The following SOS2 variants were observed in gnomAD, a reference collection of about 807,000 sequenced individuals.
The protein encoded by SOS2 is son of sevenless homolog 2.
A neutral mutation model predicts 148.2 loss-of-function variants in SOS2; 65 were observed. The ratio of observed to expected loss-of-function variants is 0.44; its 90% CI spans 0.36 to 0.54. SOS2 has a LOEUF of 0.54. Ranked by LOEUF, SOS2 falls within the 20% of genes least tolerant of loss-of-function variation. The pLI, the probability that SOS2 is intolerant of heterozygous loss-of-function variation, is 0.00. For missense variants in SOS2, 1,341 were observed against 1,590.2 expected, an observed-to-expected ratio of 0.84 and a Z score of 2.67; for synonymous variants, 539 against 537.1, an observed-to-expected ratio of 1.00 and a Z score of -0.05.
At chr14:50,230,869 G>A in intron 1 of SOS2, 4 of 1,023,476 alleles carry the variant, frequency 3.9e-6, no homozygotes, top group Non-Finnish European at 4.7e-6. Context: ...TTTAGAAACT[G>A]TCTAAATACC....
At chr14:50,207,132 T>C (rs1430821200) in intron 1 of SOS2, among the ~76,000 whole-genome samples, 7 of 152,216 alleles carry the variant, frequency 4.6e-5, no homozygotes, top group African/African-American at 1.7e-4. Flanking sequence ...TAAGCGAACA[T>C]TTAGAAAATT....
chr14:50,173,861 T>G (rs1885444693), intron 8 of SOS2, among the ~76,000 whole-genome samples: 1 of 152,192 alleles, frequency 6.6e-6, no homozygotes, highest in Admixed American at 6.6e-5. Context: ...GATGCCTTAA[T>G]TTTTAAAAAT....
chr14:50,229,343 G>A (rs563154914), intron 1 of SOS2, among the ~76,000 whole-genome samples: 1 of 151,994 alleles, frequency 6.6e-6, no homozygotes, highest in East Asian at 1.9e-4. Flanking sequence ...TTTCTTAGAT[G>A]TATTTATTTC....
At chr14:50,198,314 A>G (rs1236053936) in intron 4 of SOS2, among the ~76,000 whole-genome samples, 1 of 150,572 alleles carries the variant, frequency 6.6e-6, no homozygotes, top group Non-Finnish European at 1.5e-5. Flanking sequence ...TTTTTGTTGT[A>G]CTTCCAACTT....
At chr14:50,171,665 A>G (rs1885368512) in intron 8 of SOS2, among the ~76,000 whole-genome samples, 1 of 135,236 alleles carries the variant, frequency 7.4e-6, no homozygotes, top group African/African-American at 2.9e-5. Flanking sequence ...GCCAGGCGAC[A>G]GAGCAAAATT....
At chr14:50,160,227 C>A in intron 9 of SOS2, 141 bp from the exon 10 acceptor site, 2 of 648,186 alleles carry the variant, frequency 3.1e-6, no homozygotes, top group Non-Finnish European at 5.2e-6. Flanking sequence ...CTAACTTTGC[C>A]ACTAAATAAT....
In SOS2 at chr14:50,180,545, A is replaced by AAC. The variant is rs1566840533; in HGVS notation, c.969+26_969+27insGT. ...TTATTTGCTTTATTAAAAAAAAAAA[A>AAC]AAAAAAAACCTTCAATTTAAGTTTA... On this transcript the variant is annotated intron_variant, in intron 7 of 22. Transcript: ENST00000216373. 2.9e-6 allele frequency: 3 copies of AAC among 1,039,600 alleles called. No homozygotes were observed. The Admixed American group carries it at 7.9e-5, about 27-fold the overall frequency. The allele number at this position is 1,039,600 out of a possible 1,614,324, so 64.4% of individuals were successfully genotyped here.
chr14:50,156,293 C>T (rs1884818789), intron 12 of SOS2: 2 of 151,734 alleles, frequency 1.3e-5, no homozygotes, highest in Non-Finnish European at 2.9e-5. Context: ...CAAAGAAAGT[C>T]AGACATGAGT....
At position 50,174,434 on chromosome 14, in the gene SOS2, A is replaced by G. The variant is rs766636506; in HGVS notation, c.1068+20T>C. 8 of 1,387,694 alleles carry G rather than the reference A, an allele frequency of 5.8e-6. No individual in the cohort carries two copies. The South Asian group carries it at 9.2e-5, about 16-fold the overall frequency. 86.0% of individuals were successfully genotyped at this position (1,387,694 alleles called of 1,614,324 possible). On this transcript the variant is annotated intron_variant, in intron 8 of 22. Transcript: ENST00000216373. The stretch of plus-strand genomic sequence containing the variant: ...TCTTCTATTAGATAAGTACTTTGAG[A>G]TTCTGTTATAAAACCTTACCTTTAG...
chr14:50,189,411 T>A (rs1247826143), intron 4 of SOS2, among the ~76,000 whole-genome samples: 1 of 143,938 alleles, frequency 6.9e-6, no homozygotes, highest in Non-Finnish European at 1.5e-5. Context: ...ACTACTCGAC[T>A]ATGATTATGA....
chr14:50,173,974 A>C (rs10782417), intron 8 of SOS2, among the ~76,000 whole-genome samples: 2 of 151,932 alleles, frequency 1.3e-5, no homozygotes, highest in East Asian at 3.9e-4. Flanking sequence ...TTTAAAAAAA[A>C]TTTTCCCCTA....
At position 50,130,779 on chromosome 14, in the gene SOS2, T is replaced by C; in HGVS notation, c.3076-17A>G. ...TTTCCTAGGCTGAGAAAAGCAAACA[T>C]AATTAATGTCACAAATTTGCATAGA... is the stretch of plus-strand genomic sequence containing the variant. On this transcript the variant is annotated splice_polypyrimidine_tract_variant and intron_variant, in intron 19 of 22. Coordinates refer to ENST00000216373, the MANE Select transcript of SOS2 (RefSeq NM_006939.4). The C allele has an allele frequency of 1.9e-6, 3 of 1,582,280 alleles. No homozygotes were observed. Among genetic ancestry groups the C allele is most frequent in the Non-Finnish European group, 1.7e-6 (2 of 1,166,230 alleles).
At chr14:50,192,329 T>TG (rs1241449040) in intron 4 of SOS2, among the ~76,000 whole-genome samples, 1 of 151,388 alleles carries the variant, frequency 6.6e-6, no homozygotes, top group East Asian at 2.0e-4. Context: ...CCAAGGTGGA[T>TG]GGATCACCTG....
At chr14:50,142,305 G>T (rs1350414964) in intron 16 of SOS2, among the ~76,000 whole-genome samples, 1 of 152,018 alleles carries the variant, frequency 6.6e-6, no homozygotes, top group Non-Finnish European at 1.5e-5. Context: ...ACTGCCCCCG[G>T]CCTATTTCAT....
chr14:50,138,499 G>T (rs1884159453), intron 18 of SOS2, 113 bp downstream of exon 18: 1 of 491,452 alleles, frequency 2.0e-6, no homozygotes. Flanking sequence ...AAATTATTAT[G>T]GACTGTAGTC....
intron 11 of SOS2, 52 bp downstream of exon 11, chr14:50,158,513 C>T (rs1884890248): frequency 1.8e-6 from 2 of 1,084,264 alleles, no homozygotes; most frequent in Non-Finnish European, 2.8e-6. Flanking sequence ...TTACAAAATA[C>T]AGTTAATTTT....
In SOS2 at chr14:50,231,310, G is replaced by C. The variant is rs771894473; in HGVS notation, c.-27C>G. ...GCCCCGGCGACAGCGCCTCCGCATC[G>C]GGGGCAGCCCGCGGGCCGGGCCGGT... On this transcript the variant is annotated 5_prime_UTR_variant, in exon 1 of 23. Coordinates refer to ENST00000216373, the MANE Select transcript of SOS2 (RefSeq NM_006939.4). 82 of 1,341,750 alleles carry C rather than the reference G, an allele frequency of 6.1e-5. No homozygotes were observed. Among genetic ancestry groups the C allele is most frequent in the Non-Finnish European group, 7.7e-5 (78 of 1,016,748 alleles). 83.1% of individuals were successfully genotyped at this position (1,341,750 alleles called of 1,614,324 possible).
chr14:50,231,128 G>A (rs944903106), intron 1 of SOS2, 69 bp downstream of exon 1: 6 of 973,954 alleles, frequency 6.2e-6, no homozygotes, highest in African/African-American at 5.1e-5. Context: ...TGGGAGGGAC[G>A]ACCTGCTCCC....
At chr14:50,209,694 G>A (rs1886802356) in intron 1 of SOS2, among the ~76,000 whole-genome samples, 1 of 151,626 alleles carries the variant, frequency 6.6e-6, no homozygotes, top group African/African-American at 2.4e-5. Context: ...GGAGGTCGAG[G>A]CTGCAGTGAG....
Sources: allele counts gnomAD v4.1 joint callset (sites outside exome capture counted in the v4.1 genomes callset), GRCh38; gene constraint gnomAD v4.1.1; transcripts MANE v1.5; gene names NCBI Gene and HGNC (gene_info 2026-07-23, HGNC 2026-07-21).